Variants in RFX4 observed in about 807,000 individuals in gnomAD.
The protein encoded by RFX4 is regulatory factor X4.
A neutral mutation model predicts 95.0 loss-of-function variants in RFX4; 10 were observed. The observed-to-expected ratio is 0.11, with a 90% CI of 0.06 to 0.18. The LOEUF (loss-of-function observed/expected upper bound fraction) is 0.18, where lower values mean the gene tolerates loss of function less well. Among genes scored for constraint, RFX4 ranks in the 10% least tolerant of loss-of-function variants. The pLI is 1.00. For missense variants in RFX4, 640 were observed against 922.0 expected (o/e 0.69, Z 3.96); for synonymous variants, 321 against 340.7 (o/e 0.94, Z 0.64).
chr12:106,584,621 T>C (rs1452905878), intron 1 of RFX4, among the ~76,000 whole-genome samples: 1 of 152,034 alleles, frequency 6.6e-6, no homozygotes, highest in African/African-American at 2.4e-5. Context: ...GATATGGAAG[T>C]GGGGTGGGGG....
chr12:106,642,616 T>C (rs955521932), intron 3 of RFX4, among the ~76,000 whole-genome samples: 1 of 152,016 alleles, frequency 6.6e-6, no homozygotes, highest in Admixed American at 6.5e-5. Context: ...CCTGTCTCTA[T>C]TTAAAAAAAC....
At chr12:106,631,550 T>C (rs2040416122) in intron 2 of RFX4, among the ~76,000 whole-genome samples, 1 of 152,144 alleles carries the variant, frequency 6.6e-6, no homozygotes, top group Admixed American at 6.5e-5. Context: ...GGGATTAGTG[T>C]CTCCTTATAA....
intron 4 of RFX4, among the ~76,000 whole-genome samples, chr12:106,667,670 C>A (rs74490508): frequency 5.9e-5 from 9 of 152,100 alleles, no homozygotes; most frequent in Admixed American, 5.9e-4. Flanking sequence ...CAGGGAGCCA[C>A]GATTCCCTGT....
chr12:106,689,272 TAC>T lies in RFX4; in HGVS notation c.592-10_592-9del. 6.2e-7 allele frequency: 1 copy of T among 1,600,850 alleles called. No individual in the cohort carries two copies. Among genetic ancestry groups the T allele is most frequent in the Non-Finnish European group, 8.6e-7 (1 of 1,168,156 alleles). Reference sequence around the variant, plus strand: ...ATGTATGTCTTTGTTGTTGATCCTCTACACACCCCCACAGGTTTCTACCTTTA... The same window carrying T: ...ATGTATGTCTTTGTTGTTGATCCTCTACACCCCCACAGGTTTCTACCTTTA... On this transcript the variant is annotated splice_polypyrimidine_tract_variant and intron_variant, in intron 6 of 17. Transcript: ENST00000392842.
intron 15 of RFX4, among the ~76,000 whole-genome samples, chr12:106,734,654 C>T (rs1003638665): frequency 6.6e-6 from 1 of 151,606 alleles, no homozygotes; most frequent in African/African-American, 2.4e-5. Context: ...ACCCAAGCAT[C>T]CGTGGAAGCC....
intron 2 of RFX4, 149 bp downstream of exon 2, chr12:106,609,032 G>A: frequency 4.6e-6 from 3 of 645,506 alleles, no homozygotes; most frequent in Non-Finnish European, 5.2e-6. Flanking sequence ...GGTCCTCTCT[G>A]TAATATTCCA....
chr12:106,746,781 C>T (rs2042904037), intron 15 of RFX4, among the ~76,000 whole-genome samples: 1 of 152,182 alleles, frequency 6.6e-6, no homozygotes, highest in African/African-American at 2.4e-5. Flanking sequence ...TCCTTAACAC[C>T]TGTTGAGTTG....
intron 1 of RFX4, among the ~76,000 whole-genome samples, chr12:106,599,862 T>A (rs2039675145): frequency 6.6e-6 from 1 of 152,098 alleles, no homozygotes; most frequent in Non-Finnish European, 1.5e-5. Flanking sequence ...ATAATATTGC[T>A]TTTCAATCTC....
chr12:106,591,261 CCTTTTT>C (rs1465488802), intron 1 of RFX4, among the ~76,000 whole-genome samples: 9 of 66,464 alleles, frequency 1.4e-4, no homozygotes, highest in Admixed American at 3.6e-4. Flanking sequence ...TAAAATAGTC[CCTTTTT>C]TTTTTTTTTT....
At position 106,762,797 on chromosome 12, in the gene RFX4, G is replaced by T. The variant is rs1440916780; in HGVS notation, c.*1328G>T. The stretch of plus-strand genomic sequence containing the variant: ...GTTTCACACTCAAATAAAAAATATT[G>T]AAACGACCTGCTTTCTTTTGACTTT... On this transcript the variant is annotated 3_prime_UTR_variant, in exon 18 of 18. Transcript: ENST00000392842. 8.0e-6 allele frequency: 1 copy of T among 124,480 alleles called. No individual in the cohort carries two copies. The highest frequency in any genetic ancestry group is 3.0e-5 in the African/African-American group (1 of 32,818). 7.7% of individuals were successfully genotyped at this position (124,480 alleles called of 1,614,324 possible).
intron 17 of RFX4, among the ~76,000 whole-genome samples, chr12:106,752,548 C>A (rs187603192): frequency 3.5e-4 from 53 of 152,234 alleles, no homozygotes; most frequent in African/African-American, 1.0e-3. Context: ...TCACCCTGGG[C>A]CTTGGGTCTC....
At chr12:106,748,300 C>T (rs894062157) in intron 16 of RFX4, among the ~76,000 whole-genome samples, 25 of 152,242 alleles carry the variant, frequency 1.6e-4, no homozygotes, top group African/African-American at 5.8e-4. Context: ...GTACACTTCG[C>T]AGAATTACAG....
intron 13 of RFX4, among the ~76,000 whole-genome samples, chr12:106,724,427 T>C (rs932330214): frequency 6.6e-6 from 1 of 152,222 alleles, no homozygotes; most frequent in African/African-American, 2.4e-5. Context: ...CTCAGATGCA[T>C]GCCACAATAG....
intron 4 of RFX4, chr12:106,662,180 G>A: frequency 4.8e-6 from 2 of 413,410 alleles, no homozygotes; most frequent in South Asian, 3.7e-5. Flanking sequence ...CATTCCCACA[G>A]CAATAAATGA....
intron 11 of RFX4, among the ~76,000 whole-genome samples, chr12:106,718,919 G>T (rs1449839476): frequency 2.0e-5 from 3 of 149,580 alleles, no homozygotes; most frequent in Admixed American, 2.0e-4. Context: ...GACCATCCTG[G>T]CTAACACAGT....
intron 2 of RFX4, among the ~76,000 whole-genome samples, chr12:106,614,476 C>CGT (rs1337978270): frequency 3.1e-5 from 2 of 65,050 alleles, no homozygotes; most frequent in East Asian, 7.3e-4. Flanking sequence ...ACGTCTTTTG[C>CGT]CTGTGTGTGT....
At chr12:106,702,612 C>G (rs1485191501) in intron 8 of RFX4, among the ~76,000 whole-genome samples, 2 of 152,126 alleles carry the variant, frequency 1.3e-5, no homozygotes, top group Non-Finnish European at 2.9e-5. Flanking sequence ...CTTAAGCAAG[C>G]CCTGTGCTTT....
At chr12:106,621,427 G>T (rs974259112) in intron 2 of RFX4, among the ~76,000 whole-genome samples, 2 of 152,148 alleles carry the variant, frequency 1.3e-5, no homozygotes, top group Admixed American at 1.3e-4. Flanking sequence ...TACTACTAGG[G>T]TGTGGTTTTT....
intron 15 of RFX4, among the ~76,000 whole-genome samples, chr12:106,738,792 A>G (rs544252356): frequency 3.3e-5 from 5 of 152,304 alleles, no homozygotes; most frequent in African/African-American, 1.2e-4. Flanking sequence ...TCCTAACAAC[A>G]TGTATGATTA....
Sources: allele counts gnomAD v4.1 joint callset (sites outside exome capture counted in the v4.1 genomes callset), GRCh38; gene constraint gnomAD v4.1.1; transcripts MANE v1.5; gene names NCBI Gene and HGNC (gene_info 2026-07-23, HGNC 2026-07-21).